Variants in ACTN1 observed in about 807,000 individuals in gnomAD.
ACTN1 encodes the protein actinin alpha 1.
A neutral mutation model predicts 119.6 loss-of-function variants in ACTN1; 30 were observed. The ratio of observed to expected loss-of-function variants is 0.25; its 90% CI spans 0.19 to 0.34. ACTN1 has a LOEUF of 0.34. Ranked by LOEUF, ACTN1 falls within the 10% of genes least tolerant of loss-of-function variation. ACTN1 has a pLI of 1.00. For synonymous variants in ACTN1, 429 were observed against 472.6 expected (o/e 0.91, Z 1.20); for missense variants, 764 against 1,223.4 (o/e 0.62, Z 5.60).
chr14:68,881,936 C>CCTTTTTTTTTTTTT (rs2031552165), intron 16 of ACTN1, among the ~76,000 whole-genome samples: 1 of 58,392 alleles, frequency 1.7e-5, no homozygotes, highest in African/African-American at 1.1e-4. Flanking sequence ...TAGGCAGCTT[C>CCTTTTTTTTTTTTT]TTTTTTTTTT....
At chr14:68,933,892 G>A (rs912313639) in intron 1 of ACTN1, among the ~76,000 whole-genome samples, 6 of 151,726 alleles carry the variant, frequency 4.0e-5, no homozygotes, top group African/African-American at 1.5e-4. Context: ...CAGGAAGATT[G>A]CTTGAGCCTG....
At chr14:68,933,998 T>C (rs1304077457) in intron 1 of ACTN1, among the ~76,000 whole-genome samples, 1 of 144,392 alleles carries the variant, frequency 6.9e-6, no homozygotes, top group African/African-American at 2.5e-5. Flanking sequence ...AAAAAAAAAA[T>C]CTAGATTTTT....
chr14:68,887,934 G>A (rs181475), intron 11 of ACTN1: 71,773 of 875,078 alleles, frequency 0.082, 4,868 homozygotes, highest in African/African-American at 0.23. Context: ...CCTTTTGTTT[G>A]CACTTTTTTG....
At chr14:68,953,724 A>C (rs76171469) in intron 1 of ACTN1, among the ~76,000 whole-genome samples, 5 of 145,502 alleles carry the variant, frequency 3.4e-5, no homozygotes, top group Non-Finnish European at 6.1e-5. Context: ...TAAAAATACA[A>C]AAAAAAAAAA....
chr14:68,882,344 C>T lies in ACTN1; in HGVS notation c.1953+114G>A, dbSNP rs117088088. The T allele has an allele frequency of 0.045, 64,398 of 1,433,474 alleles. 1,771 individuals are homozygous for T. The highest frequency in any genetic ancestry group is 0.1 in the South Asian group (7,615 of 74,396). The allele number at this position is 1,433,474 out of a possible 1,614,324, so 88.8% of individuals were successfully genotyped here. A position where few individuals can be genotyped will look rare whatever the true frequency, so the allele number is the denominator to read the frequency against. On this transcript the variant is annotated intron_variant, in intron 16 of 21. Coordinates refer to ENST00000394419, the MANE Select transcript of ACTN1 (RefSeq NM_001130004.2). This position sits in a 1 kb window ranked among gnomAD's most constrained non-coding sequence, Gnocchi z 4.5. ...AGAACAGCAGACCCACGGTGGGCTC[C>T]GGGCCTCAGTCCTCCATGGGTCCCA...
chr14:68,946,294 G>C (rs919477378), intron 1 of ACTN1, among the ~76,000 whole-genome samples: 1 of 152,150 alleles, frequency 6.6e-6, no homozygotes, highest in Admixed American at 6.5e-5. Context: ...GGATGACATA[G>C]TAAGGACCTA....
At chr14:68,899,800 G>A (rs1031962159) in intron 8 of ACTN1, among the ~76,000 whole-genome samples, 7 of 152,232 alleles carry the variant, frequency 4.6e-5, no homozygotes, top group African/African-American at 1.7e-4. Flanking sequence ...GAAGGAAGGA[G>A]CTTTGGGAAG....
chr14:68,918,846 C>A (rs1485617405), intron 3 of ACTN1, among the ~76,000 whole-genome samples: 1 of 152,206 alleles, frequency 6.6e-6, no homozygotes, highest in Non-Finnish European at 1.5e-5. Flanking sequence ...TGGGTTTAAC[C>A]CTGGATCTGC....
At position 68,957,875 on chromosome 14, in the gene ACTN1, C is replaced by A. The variant is rs138551483; in HGVS notation, c.105+21077G>T. Among the ~76,000 whole-genome samples the A allele has an allele frequency of 1.2e-3, 182 of 152,276 alleles. 1 individual carries two copies. Among genetic ancestry groups the A allele is most frequent in the African/African-American group, 4.2e-3 (173 of 41,554 alleles). ...GAAGTGAAGAGAGGGAAGTGAGAGA[C>A]GGCAGGTTTAGGTTCTCATTTATGA... On this transcript the variant is annotated intron_variant, in intron 1 of 21. Transcript: ENST00000394419.
intron 1 of ACTN1, among the ~76,000 whole-genome samples, chr14:68,941,432 T>C (rs2035759034): frequency 6.6e-6 from 1 of 152,154 alleles, no homozygotes; most frequent in South Asian, 2.1e-4. Flanking sequence ...GAGACCACAC[T>C]CTGAGGACCA....
intron 21 of ACTN1, among the ~76,000 whole-genome samples, chr14:68,876,570 C>A (rs1354575821): frequency 6.6e-6 from 1 of 152,154 alleles, no homozygotes; most frequent in East Asian, 1.9e-4. Context: ...GGAGACAACC[C>A]CCTGCATCCA....
At chr14:68,901,355 C>T (rs1176195492) in intron 8 of ACTN1, among the ~76,000 whole-genome samples, 1 of 149,308 alleles carries the variant, frequency 6.7e-6, no homozygotes, top group Non-Finnish European at 1.5e-5. Context: ...TCAAGCGATT[C>T]TCTGGTCTCA....
intron 3 of ACTN1, among the ~76,000 whole-genome samples, chr14:68,918,004 G>A (rs1281166923): frequency 6.6e-6 from 1 of 152,214 alleles, no homozygotes; most frequent in African/African-American, 2.4e-5. Flanking sequence ...GGGAGGTGGA[G>A]GTTGCAGTGA....
At chr14:68,969,027 T>A (rs183379551) in intron 1 of ACTN1, among the ~76,000 whole-genome samples, 1 of 152,266 alleles carries the variant, frequency 6.6e-6, no homozygotes, top group East Asian at 1.9e-4. Context: ...CACCTTTGGG[T>A]GCTACTGTGG....
chr14:68,894,059 T>C (rs1309488088), intron 8 of ACTN1, among the ~76,000 whole-genome samples: 5 of 152,062 alleles, frequency 3.3e-5, no homozygotes, highest in Admixed American at 3.3e-4. Flanking sequence ...ATAATCAAAA[T>C]ACTCAGGTCA....
chr14:68,957,245 TG>T (rs1566672705), intron 1 of ACTN1, among the ~76,000 whole-genome samples: 1 of 152,338 alleles, frequency 6.6e-6, no homozygotes, highest in East Asian at 1.9e-4. Flanking sequence ...GAGAGTTCCA[TG>T]CATGGTAAGA....
chr14:68,908,826 G>A lies in ACTN1; in HGVS notation c.594+492C>T, dbSNP rs730867. On this transcript the variant is annotated intron_variant, in intron 6 of 21. Coordinates refer to ENST00000394419, the MANE Select transcript of ACTN1 (RefSeq NM_001130004.2). ...ATCACTGCAGCTTCATGCTGAAGGC[G>A]GGAGTGAAACCAAAAGAAAATCCCC... is the stretch of plus-strand genomic sequence containing the variant. Among the ~76,000 whole-genome samples, 1,284 of 152,308 alleles carry A rather than the reference G, an allele frequency of 8.4e-3. 15 individuals are homozygous for A. Among genetic ancestry groups the A allele is most frequent in the African/African-American group, 0.029 (1,220 of 41,558 alleles).
chr14:68,948,225 A>C (rs1388690467), intron 1 of ACTN1, among the ~76,000 whole-genome samples: 1 of 49,490 alleles, frequency 2.0e-5, no homozygotes, highest in Admixed American at 2.5e-4. Context: ...ACTGACACTT[A>C]CCTACGCACT....
chr14:68,970,672 G>C (rs1446871419), intron 1 of ACTN1, among the ~76,000 whole-genome samples: 1 of 152,216 alleles, frequency 6.6e-6, no homozygotes, highest in Non-Finnish European at 1.5e-5. Context: ...CCAGGAACGT[G>C]GGACTGGGGA....
Sources: allele counts gnomAD v4.1 joint callset (sites outside exome capture counted in the v4.1 genomes callset), GRCh38; gene constraint gnomAD v4.1.1; non-coding constraint Gnocchi (gnomAD v3.1); transcripts MANE v1.5; gene names NCBI Gene and HGNC (gene_info 2026-07-23, HGNC 2026-07-21).